Variants in ACADSB observed in about 807,000 individuals in gnomAD.
The protein encoded by ACADSB is short/branched chain specific acyl-CoA dehydrogenase, mitochondrial.
A neutral mutation model predicts 54.1 loss-of-function variants in ACADSB; 40 were observed. That is an observed-to-expected ratio of 0.74 (90% CI 0.57 to 0.96). The LOEUF is 0.96. Ranked by LOEUF, ACADSB falls within the 40% of genes least tolerant of loss-of-function variation. The pLI, the probability that ACADSB is intolerant of heterozygous loss-of-function variation, is 0.00. For missense variants in ACADSB, 530 were observed against 510.4 expected (o/e 1.04, Z -0.37); for synonymous variants, 182 against 182.8 (o/e 1.00, Z 0.03).
rs1371344643 is a variant in ACADSB at position 123,057,461 on chromosome 10, A to G, written c.*3696A>G. 1.3e-5 allele frequency: 2 copies of G among 152,156 alleles called. No homozygotes were observed. The highest frequency in any genetic ancestry group is 3.9e-4 in the East Asian group (2 of 5,192). The allele number at this position is 152,156 out of a possible 1,614,324, so 9.4% of individuals were successfully genotyped here. A position where few individuals can be genotyped will look rare whatever the true frequency, so the allele number is the denominator to read the frequency against. On this transcript the variant is annotated 3_prime_UTR_variant, in exon 11 of 11. Coordinates refer to ENST00000358776, the MANE Select transcript of ACADSB (RefSeq NM_001609.4). ...CTTTATAGCTTTTCTTCTGATAACC[A>G]TGACTTCAGGAGCTTTAAAACTATC... is the stretch of plus-strand genomic sequence containing the variant.
At chr10:123,042,053 C>T (rs1850482693) in intron 5 of ACADSB, among the ~76,000 whole-genome samples, 1 of 150,836 alleles carries the variant, frequency 6.6e-6, no homozygotes, top group African/African-American at 2.4e-5. Flanking sequence ...GCAACCTCCT[C>T]CTCCTGAGTT....
intron 1 of ACADSB, among the ~76,000 whole-genome samples, chr10:123,012,385 G>A (rs1344531100): frequency 2.6e-5 from 4 of 152,176 alleles, no homozygotes; most frequent in South Asian, 4.1e-4. Context: ...TCCCCAGTGC[G>A]GAGGTTTTGA....
At chr10:123,035,547 C>T (rs937592943) in intron 2 of ACADSB, among the ~76,000 whole-genome samples, 6 of 152,126 alleles carry the variant, frequency 3.9e-5, no homozygotes, top group African/African-American at 7.2e-5. Flanking sequence ...AAAACAGCAC[C>T]GGTGTAGTGG....
chr10:123,053,013 G>T, intron 9 of ACADSB, 48 bp from the exon 10 acceptor site: 1 of 1,442,360 alleles, frequency 6.9e-7, no homozygotes, highest in Non-Finnish European at 9.8e-7. Context: ...TGTTTATCAT[G>T]TATAAGTTAT....
At position 123,015,253 on chromosome 10, in the gene ACADSB, A is replaced by G. The variant is rs2133455166; in HGVS notation, c.42+6182A>G. On this transcript the variant is annotated intron_variant, in intron 1 of 10. Transcript: ENST00000358776. ...ATCTCTCTCTGGTGCTAGGAAGACT[A>G]AGTAACCATAAAGACACTCTCCCTG... 2.6e-5 allele frequency among the ~76,000 whole-genome samples: 4 copies of G among 152,362 alleles called. No individual in the cohort carries two copies. The South Asian group carries it at 8.3e-4, about 32-fold the overall frequency.
At chr10:123,053,621 A>T in intron 10 of ACADSB, 74 bp from the exon 11 acceptor site, 1 of 1,252,916 alleles carries the variant, frequency 8.0e-7, no homozygotes, top group Admixed American at 1.7e-5. Context: ...CGCAGAGGTG[A>T]TGTTTATAGA....
intron 8 of ACADSB, 59 bp downstream of exon 8, chr10:123,047,357 A>C: frequency 8.2e-7 from 1 of 1,222,342 alleles, no homozygotes; most frequent in South Asian, 1.2e-5. Flanking sequence ...CTGTTAATGA[A>C]GGGCTGTGTT....
At chr10:123,045,146 TATATATATATATATATATA>T (rs1850536673) in intron 7 of ACADSB, among the ~76,000 whole-genome samples, 11 of 14,436 alleles carry the variant, frequency 7.6e-4, no homozygotes, top group Middle Eastern at 0.022. Flanking sequence ...TATATATATA[TATATATATATATATATATA>T]TATATATTTT....
At chr10:123,020,467 A>C (rs1365530600) in intron 1 of ACADSB, among the ~76,000 whole-genome samples, 1 of 152,216 alleles carries the variant, frequency 6.6e-6, no homozygotes, top group Admixed American at 6.5e-5. Flanking sequence ...GGGATGTACC[A>C]CAGATGTTTA....
rs1850729088 is a variant in ACADSB at position 123,057,941 on chromosome 10, T to C, written c.*4176T>C. The C allele has an allele frequency of 6.6e-6, 1 of 152,204 alleles. No homozygotes were observed. Among genetic ancestry groups the C allele is most frequent in the Non-Finnish European group, 1.5e-5 (1 of 68,034 alleles). The allele number at this position is 152,204 out of a possible 1,614,324, so 9.4% of individuals were successfully genotyped here. On this transcript the variant is annotated 3_prime_UTR_variant, in exon 11 of 11. Coordinates refer to ENST00000358776, the MANE Select transcript of ACADSB (RefSeq NM_001609.4). ...CATTCTTGTTATATTTCAGTACTCTTGCTGATTTATTTTAGGTTTAACTGG... is the reference window on the plus strand; with the variant it reads ...CATTCTTGTTATATTTCAGTACTCTCGCTGATTTATTTTAGGTTTAACTGG...
At chr10:123,038,576 A>G (rs1275141445) in intron 3 of ACADSB, among the ~76,000 whole-genome samples, 1 of 152,140 alleles carries the variant, frequency 6.6e-6, no homozygotes, top group Non-Finnish European at 1.5e-5. Flanking sequence ...GCAGAGGTAT[A>G]AAATATATTT....
At position 123,034,400 on chromosome 10, in the gene ACADSB, T is replaced by C; in HGVS notation, c.87T>C (p.Pro29=). The C allele has an allele frequency of 1.9e-6, 3 of 1,613,856 alleles. No homozygotes were observed. The highest frequency in any genetic ancestry group is 2.5e-6 in the Non-Finnish European group (3 of 1,179,942). ...FLTCLSSWKI[P]PHVSKSSQSE... is the part of the protein sequence containing the mutation. Reference sequence around the variant, plus strand: ...CTTGTTTGTCTTCTTGGAAGATTCCTCCTCATGTCTCAAAATCTTCCCAGT... The same window carrying C: ...CTTGTTTGTCTTCTTGGAAGATTCCCCCTCATGTCTCAAAATCTTCCCAGT... Residue 29 remains proline (P), a synonymous_variant, in exon 2 of 11, where the codon CCT becomes CCC. Coordinates refer to ENST00000358776, the MANE Select transcript of ACADSB (RefSeq NM_001609.4).
chr10:123,037,715 C>A (rs770237530), intron 2 of ACADSB, 32 bp from the exon 3 acceptor site: 19 of 1,465,258 alleles, frequency 1.3e-5, no homozygotes, highest in Non-Finnish European at 1.6e-5. Flanking sequence ...GTCACTTTAA[C>A]ATAGACTTAT....
intron 8 of ACADSB, 86 bp from the exon 9 acceptor site, chr10:123,050,963 G>T (rs1850623114): frequency 7.0e-7 from 1 of 1,428,440 alleles, no homozygotes; most frequent in Non-Finnish European, 9.7e-7. Context: ...GAGTCTGTCA[G>T]TGTTGTGTAT....
intron 7 of ACADSB, among the ~76,000 whole-genome samples, chr10:123,044,865 T>C (rs1196917192): frequency 6.6e-6 from 1 of 152,050 alleles, no homozygotes; most frequent in Non-Finnish European, 1.5e-5. Context: ...TTCCTTCCAC[T>C]GTGTAGTAAA....
chr10:123,034,829 C>T (rs1850375737), intron 2 of ACADSB, among the ~76,000 whole-genome samples: 1 of 152,206 alleles, frequency 6.6e-6, no homozygotes, highest in Non-Finnish European at 1.5e-5. Context: ...CCCATGTTCT[C>T]TAGTTCCCCA....
In ACADSB at chr10:123,038,007, G is replaced by A. The variant is rs11597229; in HGVS notation, c.303+160G>A. ...TATGTACTTAAAAGTTCTTAAAAAT[G>A]GAATTAACATTTTTTAATTTGAAAT... On this transcript the variant is annotated intron_variant, in intron 3 of 10. Coordinates refer to ENST00000358776, the MANE Select transcript of ACADSB (RefSeq NM_001609.4). 0.061 allele frequency among the ~76,000 whole-genome samples: 9,227 copies of A among 152,192 alleles called. 327 individuals carry two copies. The highest frequency in any genetic ancestry group is 0.087 in the Non-Finnish European group (5,923 of 67,994).
chr10:123,054,022 G>C lies in ACADSB; in HGVS notation c.*257G>C, dbSNP rs1472158530. On this transcript the variant is annotated 3_prime_UTR_variant, in exon 11 of 11. Coordinates refer to ENST00000358776, the MANE Select transcript of ACADSB (RefSeq NM_001609.4). Reference sequence around the variant, plus strand: ...TTTTTCCAAAACTGTTTTTAAAGCTGTATACGCATACATATATATATTTTT... The same window carrying C: ...TTTTTCCAAAACTGTTTTTAAAGCTCTATACGCATACATATATATATTTTT... 7.1e-6 allele frequency: 4 copies of C among 562,038 alleles called. No homozygotes were observed. The highest frequency in any genetic ancestry group is 1.9e-5 in the African/African-American group (1 of 52,990). 34.8% of individuals were successfully genotyped at this position (562,038 alleles called of 1,614,324 possible).
chr10:123,010,375 C>T (rs901731744), intron 1 of ACADSB, among the ~76,000 whole-genome samples: 2 of 152,212 alleles, frequency 1.3e-5, no homozygotes, highest in Non-Finnish European at 2.9e-5. Context: ...GTCTCCCCGT[C>T]CTTAGAGATA....
Sources: allele counts gnomAD v4.1 joint callset (sites outside exome capture counted in the v4.1 genomes callset), GRCh38; gene constraint gnomAD v4.1.1; transcripts MANE v1.5; gene names NCBI Gene and HGNC (gene_info 2026-07-23, HGNC 2026-07-21).